The following OGA variants were observed in gnomAD, a reference collection of about 807,000 sequenced individuals.
OGA encodes the protein protein O-GlcNAcase.
Under a neutral mutation model 102.0 loss-of-function variants are expected in OGA, and 21 were observed. The ratio of observed to expected loss-of-function variants is 0.21; its 90% confidence interval spans 0.15 to 0.30. The LOEUF (loss-of-function observed/expected upper bound fraction) is 0.30, where lower values mean the gene tolerates loss of function less well. Among genes scored for constraint, OGA ranks in the 10% least tolerant of loss-of-function variants. OGA has a pLI of 1.00. For synonymous variants in OGA, 408 were observed against 378.2 expected, an observed-to-expected ratio of 1.08 and a Z score of -0.91; for missense variants, 765 against 1,107.8, an observed-to-expected ratio of 0.69 and a Z score of 4.39.
In OGA at chr10:101,800,235, A is replaced by G. The variant is rs2135056569; in HGVS notation, c.1195+7T>C. On this transcript the variant is annotated splice_region_variant and intron_variant, in intron 8 of 15. Coordinates refer to ENST00000361464, the MANE Select transcript of OGA (RefSeq NM_012215.5). ...TAACCCCCTTAACAAAGAATGGCCA[A>G]ACTCACTGCTGTATTGATGAGGCAC... 6.2e-7 allele frequency: 1 copy of G among 1,612,554 alleles called. No homozygotes were observed. The highest frequency in any genetic ancestry group is 8.5e-7 in the Non-Finnish European group (1 of 1,179,014).
At chr10:101,797,865 G>A (rs1020467874) in intron 10 of OGA, 115 bp downstream of exon 10, 17 of 1,038,788 alleles carry the variant, frequency 1.6e-5, no homozygotes, top group Admixed American at 6.5e-5. Context: ...CCTAGGCAAC[G>A]AATTGAAGAG....
At chr10:101,801,219 C>T (rs1384785578) in intron 7 of OGA, among the ~76,000 whole-genome samples, 1 of 151,640 alleles carries the variant, frequency 6.6e-6, no homozygotes, top group East Asian at 1.9e-4. Flanking sequence ...GGTAAAACCC[C>T]ATCTCTACTA....
rs745848022 is a variant in OGA, at chr10:101,804,049, G to C, written c.752-30C>G. ...AAATAACGACAACCGTTCGTTAAAAGAATCATGGTTCTTGGCTAGACGCAT... is the reference window on the plus strand; with the variant it reads ...AAATAACGACAACCGTTCGTTAAAACAATCATGGTTCTTGGCTAGACGCAT... On this transcript the variant is annotated intron_variant, in intron 6 of 15. Transcript: ENST00000361464. 10 of 1,585,168 alleles carry C rather than the reference G, an allele frequency of 6.3e-6. No homozygotes were observed. In the South Asian group the frequency reaches 6.8e-5, roughly 11 times the overall value.
In OGA at chr10:101,792,828, G is replaced by C. The variant is rs1244857540; in HGVS notation, c.2175+11C>G. The C allele has an allele frequency of 1.3e-6, 2 of 1,562,258 alleles. No individual in the cohort carries two copies. Among genetic ancestry groups the C allele is most frequent in the East Asian group, 2.2e-5 (1 of 44,628 alleles). On this transcript the variant is annotated intron_variant, in intron 12 of 15. Coordinates refer to ENST00000361464, the MANE Select transcript of OGA (RefSeq NM_012215.5). ...CCCATACACCAAGTTGGTAGGTAGA[G>C]AGACAATTACCTCATCCTTAGGAAA...
chr10:101,789,076 C>CAATA (rs1215863214), intron 14 of OGA, among the ~76,000 whole-genome samples: 1 of 152,176 alleles, frequency 6.6e-6, no homozygotes, highest in Admixed American at 6.5e-5. Context: ...TGTGGAACAG[C>CAATA]AATACATCAG....
intron 7 of OGA, among the ~76,000 whole-genome samples, chr10:101,802,283 C>A (rs560294286): frequency 1.3e-5 from 2 of 152,194 alleles, no homozygotes; most frequent in Non-Finnish European, 2.9e-5. Flanking sequence ...CACTCTCTCC[C>A]GTGTTCACAC....
Position 101,811,406 on chromosome 10 carries a change from G to GAAAAAA in OGA, c.350-1098_350-1093dup, listed in dbSNP as rs67433227. On this transcript the variant is annotated intron_variant, in intron 3 of 15. Transcript: ENST00000361464. ...TCCATCTCAAAAAATGAAAAAAAAT[G>GAAAAAA]AAAAAAAAAAAAAAAAAAAAAAAAA... Among the ~76,000 whole-genome samples, 9 of 45,704 alleles carry GAAAAAA rather than the reference G, an allele frequency of 2.0e-4. 1 individual carries two copies. The highest frequency in any genetic ancestry group is 6.8e-4 in the East Asian group (1 of 1,470). The allele number at this position is 45,704 out of a possible 152,430, so 30.0% of individuals were successfully genotyped here. A position where few individuals can be genotyped will look rare whatever the true frequency, so the allele number is the denominator to read the frequency against.
chr10:101,792,811 C>A, intron 12 of OGA, 28 bp downstream of exon 12: 3 of 1,500,704 alleles, frequency 2.0e-6, no homozygotes, highest in Non-Finnish European at 2.8e-6. Flanking sequence ...TACCCATACA[C>A]CAAGTTGGTA....
Position 101,807,745 on chromosome 10 carries a change from G to T in OGA, c.637C>A (p.Leu213Ile). ...TATACAATACCTGTGGGACAGAAGA[G>T]GAAAGTTTCTGGCTCTCCTAGGTAC... The part of the protein sequence containing the change: ...YQYLGEPETF[L>I]FCPTEYCGTF... Residue 213 changes from leucine to isoleucine, a missense_variant, in exon 5 of 16, where the codon CTC becomes ATC. Physicochemically the swap from Leu to Ile is conservative, Grantham distance 5 (BLOSUM62 2). Coordinates refer to ENST00000361464, the MANE Select transcript of OGA (RefSeq NM_012215.5). The T allele has an allele frequency of 6.3e-7, 1 of 1,597,804 alleles. No homozygotes were observed. Among genetic ancestry groups the T allele is most frequent in the Non-Finnish European group, 8.5e-7 (1 of 1,174,306 alleles).
rs571135509 is a variant in OGA, at chr10:101,798,959, T to C, written c.1692A>G (p.Leu564=). The stretch of plus-strand genomic sequence containing the variant: ...GTCCATGCTCGTAAGGAAGGTAGAA[T>C]AGATCAGCAAGTAACTGCAAATCCT... ...TLEDLQLLAD[L]FYLPYEHGPK... Residue 564 remains leucine (L), a synonymous_variant, in exon 9 of 16, where the codon CTA becomes CTG. Coordinates refer to ENST00000361464, the MANE Select transcript of OGA (RefSeq NM_012215.5). 1.8e-4 allele frequency: 294 copies of C among 1,614,204 alleles called. 3 individuals carry two copies. The South Asian group carries it at 2.8e-3, about 15-fold the overall frequency.
At chr10:101,810,954 G>C (rs958740605) in intron 3 of OGA, among the ~76,000 whole-genome samples, 1 of 150,904 alleles carries the variant, frequency 6.6e-6, no homozygotes, top group Non-Finnish European at 1.5e-5. Flanking sequence ...GCCTCTTACA[G>C]TGTTGGGATT....
chr10:101,812,861 C>A (rs551193857), intron 3 of OGA, 169 bp downstream of exon 3: 46 of 687,930 alleles, frequency 6.7e-5, no homozygotes, highest in Non-Finnish European at 1.2e-4. Context: ...ACCTTGCTAG[C>A]GCAGAGCACT....
At chr10:101,799,571 T>C in intron 8 of OGA, 116 bp from the exon 9 acceptor site, 2 of 1,087,654 alleles carry the variant, frequency 1.8e-6, no homozygotes, top group East Asian at 2.5e-5. Context: ...GAACCTCAAT[T>C]TTAGATCCAA....
intron 1 of OGA, among the ~76,000 whole-genome samples, chr10:101,816,683 C>A (rs1370104846): frequency 6.6e-6 from 1 of 152,010 alleles, no homozygotes; most frequent in East Asian, 1.9e-4. Context: ...TTCTGTAATC[C>A]CCCAAATTCT....
intron 3 of OGA, 122 bp downstream of exon 3, chr10:101,812,908 A>G: frequency 1.2e-6 from 1 of 814,118 alleles, no homozygotes; most frequent in Non-Finnish European, 2.1e-6. Flanking sequence ...TACCAGATAG[A>G]AGAAAAGGAA....
At chr10:101,813,651 G>C (rs1010767573) in intron 1 of OGA, 45 bp from the exon 2 acceptor site, 1 of 1,265,582 alleles carries the variant, frequency 7.9e-7, no homozygotes, top group African/African-American at 1.5e-5. Context: ...TTTAAAATGT[G>C]GTAAGCTTTA....
chr10:101,800,315 A>G lies in OGA; in HGVS notation c.1122T>C (p.Tyr374=). 1 of 1,613,620 alleles carries G rather than the reference A, an allele frequency of 6.2e-7. No individual in the cohort carries two copies. Among genetic ancestry groups the G allele is most frequent in the Middle Eastern group, 1.7e-4 (1 of 6,060 alleles). ...CTAGCTTTAGAGCCATCTGTGGACT[A>G]TAGAGTACATCAGTTTCAATATCTT... ...SDEDIETDVL[Y]SPQMALKLAL... Residue 374 remains tyrosine, a synonymous_variant, in exon 8 of 16, where the codon TAT becomes TAC. Coordinates refer to ENST00000361464, the MANE Select transcript of OGA (RefSeq NM_012215.5).
chr10:101,804,242 T>TATA lies in OGA; in HGVS notation c.752-226_752-224dup, dbSNP rs994594400. On this transcript the variant is annotated intron_variant, in intron 6 of 15. Transcript: ENST00000361464. ...ATGGTTCTTTAAAATATACTGCATA[T>TATA]ATAACTTTTTATTGTTTTCCTTACG... Among the ~76,000 whole-genome samples, 59 of 151,538 alleles carry TATA rather than the reference T, an allele frequency of 3.9e-4. 1 individual carries two copies. The highest frequency in any genetic ancestry group is 1.4e-3 in the African/African-American group (58 of 41,426).
At position 101,792,832 on chromosome 10, in the gene OGA, C is replaced by G. The variant is rs750300463; in HGVS notation, c.2175+7G>C. The G allele has an allele frequency of 6.4e-7, 1 of 1,572,872 alleles. No individual in the cohort carries two copies. Among genetic ancestry groups the G allele is most frequent in the South Asian group, 1.1e-5 (1 of 90,130 alleles). On this transcript the variant is annotated splice_region_variant and intron_variant, in intron 12 of 15. Coordinates refer to ENST00000361464, the MANE Select transcript of OGA (RefSeq NM_012215.5). Reference sequence around the variant, plus strand: ...TACACCAAGTTGGTAGGTAGAGAGACAATTACCTCATCCTTAGGAAAATAA... The same window carrying G: ...TACACCAAGTTGGTAGGTAGAGAGAGAATTACCTCATCCTTAGGAAAATAA...
Sources: allele counts gnomAD v4.1 joint callset (sites outside exome capture counted in the v4.1 genomes callset), GRCh38; gene constraint gnomAD v4.1.1; transcripts MANE v1.5; gene names NCBI Gene and HGNC (gene_info 2026-07-23, HGNC 2026-07-21).